FCGRT: variants seen among roughly 807,000 people sequenced by gnomAD.
FCGRT encodes the protein Fc gamma receptor and transporter, also known as IgG receptor FcRn large subunit p51.
In FCGRT, 13 loss-of-function variants were observed where a neutral mutation model predicts 35.7. The observed-to-expected ratio is 0.36, with a 90% confidence interval of 0.24 to 0.58. The LOEUF (loss-of-function observed/expected upper bound fraction) is 0.58, where lower values mean the gene tolerates loss of function less well. Among genes scored for constraint, FCGRT ranks in the 20% least tolerant of loss-of-function variants. The pLI is 0.77. For missense variants in FCGRT, 455 were observed against 474.9 expected, an observed-to-expected ratio of 0.96 and a Z score of 0.39; for synonymous variants, 233 against 216.5, an observed-to-expected ratio of 1.08 and a Z score of -0.67.
intron 4 of FCGRT, among the ~76,000 whole-genome samples, chr19:49,519,629 T>G (rs1342147017): frequency 6.6e-6 from 1 of 152,118 alleles, no homozygotes; most frequent in East Asian, 1.9e-4. Context: ...ATCTAGAAGC[T>G]TGGTCAGATT....
Position 49,522,882 on chromosome 19 carries a change from A to G in FCGRT, c.602-1625A>G, listed in dbSNP as rs1173684164. Among the ~76,000 whole-genome samples, 3 of 139,640 alleles carry G rather than the reference A, an allele frequency of 2.1e-5. No homozygotes were observed. The East Asian group carries it at 6.4e-4, about 30-fold the overall frequency. The allele number at this position is 139,640 out of a possible 152,430, so 91.6% of individuals were successfully genotyped here. A position where few individuals can be genotyped will look rare whatever the true frequency, so the allele number is the denominator to read the frequency against. ...AAGCTCCGCCTCCCGGGTTCACGCCATTCTCCTGCCTCAGCCTCCCAAGTG... is the reference window on the plus strand; with the variant it reads ...AAGCTCCGCCTCCCGGGTTCACGCCGTTCTCCTGCCTCAGCCTCCCAAGTG... On this transcript the variant is annotated intron_variant, in intron 4 of 6. Coordinates refer to ENST00000221466, the MANE Select transcript of FCGRT (RefSeq NM_001136019.3).
rs1176536865 is a variant in FCGRT at position 49,514,997 on chromosome 19, CT to C, written c.601+525del. 2.4e-3 allele frequency among the ~76,000 whole-genome samples: 343 copies of C among 141,310 alleles called. 1 individual carries two copies. The highest frequency in any genetic ancestry group is 3.7e-3 in the Middle Eastern group (1 of 272). The allele number at this position is 141,310 out of a possible 152,430, so 92.7% of individuals were successfully genotyped here. ...ATGAGCTACTGCTCCTGGCTCCCCC[CT>C]TTTTTTTTTTTTTGAGACAGATTCT... On this transcript the variant is annotated intron_variant, in intron 4 of 6. Transcript: ENST00000221466.
In FCGRT at chr19:49,513,486, C is replaced by T. The variant is rs2079985902; in HGVS notation, c.73+13C>T. Reference sequence around the variant, plus strand: ...AGCCTGGGCGCAGGTGAGGGCCGCTCCGGGCCAGGGCCCTGCTGCAGGCGG... The same window carrying T: ...AGCCTGGGCGCAGGTGAGGGCCGCTTCGGGCCAGGGCCCTGCTGCAGGCGG... On this transcript the variant is annotated intron_variant, in intron 2 of 6. Coordinates refer to ENST00000221466, the MANE Select transcript of FCGRT (RefSeq NM_001136019.3). 4 of 1,240,230 alleles carry T rather than the reference C, an allele frequency of 3.2e-6. No individual in the cohort carries two copies. The South Asian group carries it at 1.2e-4, about 37-fold the overall frequency. 76.8% of individuals were successfully genotyped at this position (1,240,230 alleles called of 1,614,324 possible). A position where few individuals can be genotyped will look rare whatever the true frequency, so the allele number is the denominator to read the frequency against.
chr19:49,526,383 G>T lies in FCGRT; in HGVS notation c.*264G>T. Reference sequence around the variant, plus strand: ...GGCAGGGGAGGTAAGGGAATAAGTCGGGGGACTGAATGGCGGCTGGGCCTC... The same window carrying T: ...GGCAGGGGAGGTAAGGGAATAAGTCTGGGGACTGAATGGCGGCTGGGCCTC... On this transcript the variant is annotated 3_prime_UTR_variant, in exon 7 of 7. Coordinates refer to ENST00000221466, the MANE Select transcript of FCGRT (RefSeq NM_001136019.3). 1 of 492,554 alleles carries T rather than the reference G, an allele frequency of 2.0e-6. No homozygotes were observed. Among genetic ancestry groups the T allele is most frequent in the East Asian group, 3.8e-5 (1 of 26,050 alleles). The allele number at this position is 492,554 out of a possible 1,614,324, so 30.5% of individuals were successfully genotyped here.
chr19:49,525,090 C>G, intron 5 of FCGRT: 7 of 567,378 alleles, frequency 1.2e-5, no homozygotes, highest in South Asian at 1.2e-4. Context: ...TTCCTGGAAT[C>G]TGACCATTCG....
Position 49,513,761 on chromosome 19 carries a change from C to A in FCGRT, c.74-121C>A, listed in dbSNP as rs2079989037. The A allele has an allele frequency of 9.3e-6, 3 of 322,520 alleles. No individual in the cohort carries two copies. The South Asian group carries it at 2.3e-4, about 25-fold the overall frequency. The allele number at this position is 322,520 out of a possible 1,614,324, so 20.0% of individuals were successfully genotyped here. The stretch of plus-strand genomic sequence containing the variant: ...GTCCCCCCCCCCCCGGGTTTCTGTC[C>A]CCTCTCTCTGAATCTGTCCCCCTCC... On this transcript the variant is annotated intron_variant, in intron 2 of 6. Coordinates refer to ENST00000221466, the MANE Select transcript of FCGRT (RefSeq NM_001136019.3).
intron 6 of FCGRT, among the ~76,000 whole-genome samples, 179 bp downstream of exon 6, chr19:49,525,752 C>T (rs1163122173): frequency 1.3e-5 from 2 of 150,090 alleles, no homozygotes; most frequent in African/African-American, 4.9e-5. Context: ...GACAGAGACC[C>T]AGAGACGGGG....
chr19:49,517,185 T>C lies in FCGRT; in HGVS notation c.601+2699T>C, dbSNP rs1043526652. 3.3e-5 allele frequency among the ~76,000 whole-genome samples: 5 copies of C among 150,052 alleles called. No homozygotes were observed. The South Asian group carries it at 1.1e-3, about 32-fold the overall frequency. On this transcript the variant is annotated intron_variant, in intron 4 of 6. Coordinates refer to ENST00000221466, the MANE Select transcript of FCGRT (RefSeq NM_001136019.3). Reference sequence around the variant, plus strand: ...GCCCAGATGACAGAGCCAGACCCTGTCTCAAAAAGAAAAAAAATATGGTGG... The same window carrying C: ...GCCCAGATGACAGAGCCAGACCCTGCCTCAAAAAGAAAAAAAATATGGTGG...
chr19:49,524,687 C>T lies in FCGRT; in HGVS notation c.782C>T (p.Ser261Leu), dbSNP rs758671395. Residue 261 changes from serine (S) to leucine (L), a missense_variant, in exon 5 of 7, where the codon TCG becomes TTG. Physicochemically the swap from Ser to Leu is moderately radical, Grantham distance 145. Transcript: ENST00000221466. Reference protein sequence around the residue: ...PNSDGSFHASSSLTVKSGDEH... With the variant: ...PNSDGSFHASLSLTVKSGDEH... Reference sequence around the variant, plus strand: ...AGTGACGGATCCTTCCACGCCTCGTCGTCACTAACAGTCAAAAGTGGCGAT... The same window carrying T: ...AGTGACGGATCCTTCCACGCCTCGTTGTCACTAACAGTCAAAAGTGGCGAT... The T allele has an allele frequency of 6.9e-6, 11 of 1,603,934 alleles. No individual in the cohort carries two copies. Among genetic ancestry groups the T allele is most frequent in the South Asian group, 3.3e-5 (3 of 91,082 alleles).
chr19:49,526,149 A>G lies in FCGRT; in HGVS notation c.*30A>G. On this transcript the variant is annotated 3_prime_UTR_variant, in exon 7 of 7. Transcript: ENST00000221466. Reference sequence around the variant, plus strand: ...CCGCCATTCCGACTGCTAAAAGCGAATGTAGTCAGGCCCCTTTCATGCTGT... The same window carrying G: ...CCGCCATTCCGACTGCTAAAAGCGAGTGTAGTCAGGCCCCTTTCATGCTGT... 7.0e-7 allele frequency: 1 copy of G among 1,422,680 alleles called. No individual in the cohort carries two copies. Among genetic ancestry groups the G allele is most frequent in the Non-Finnish European group, 9.9e-7 (1 of 1,005,706 alleles). The allele number at this position is 1,422,680 out of a possible 1,614,324, so 88.1% of individuals were successfully genotyped here.
intron 4 of FCGRT, chr19:49,521,595 G>T (rs1043704758): frequency 3.4e-5 from 5 of 148,378 alleles, no homozygotes; most frequent in African/African-American, 1.2e-4. Flanking sequence ...GGAAAAGAAA[G>T]CCTGGGCGTA....
intron 6 of FCGRT, 85 bp downstream of exon 6, chr19:49,525,658 C>A: frequency 1.1e-6 from 1 of 914,752 alleles, no homozygotes; most frequent in Non-Finnish European, 1.8e-6. Context: ...GACAGAGACC[C>A]AGAGAGGGGG....
In FCGRT at chr19:49,514,495, G is replaced by T. The variant is rs549984757; in HGVS notation, c.601+9G>T. 1.3e-6 allele frequency: 2 copies of T among 1,535,704 alleles called. No homozygotes were observed. Among genetic ancestry groups the T allele is most frequent in the South Asian group, 1.2e-5 (1 of 80,406 alleles). ...AAACCTGGAGTGGAAGGGTGAGCCG[G>T]ATCTGCAGCCGCAGGCTGTTCTGTC... is the stretch of plus-strand genomic sequence containing the variant. On this transcript the variant is annotated intron_variant, in intron 4 of 6. Coordinates refer to ENST00000221466, the MANE Select transcript of FCGRT (RefSeq NM_001136019.3).
intron 2 of FCGRT, 107 bp downstream of exon 2, chr19:49,513,580 G>T (rs895461246): frequency 4.5e-5 from 27 of 602,152 alleles, no homozygotes; most frequent in Non-Finnish European, 6.1e-5. Flanking sequence ...CGAGCCCCTG[G>T]CGCTGCCTTC....
chr19:49,525,945 G>A, intron 6 of FCGRT, 65 bp from the exon 7 acceptor site: 1 of 947,530 alleles, frequency 1.1e-6, no homozygotes, highest in South Asian at 1.3e-5. Flanking sequence ...ACAAATGGGG[G>A]ACGCCAGTCA....
Position 49,513,407 on chromosome 19 carries a change from G to A in FCGRT, c.7G>A (p.Val3Ile), listed in dbSNP as rs201887538. 7 of 1,245,200 alleles carry A rather than the reference G, an allele frequency of 5.6e-6. No homozygotes were observed. Among genetic ancestry groups the A allele is most frequent in the Non-Finnish European group, 4.1e-6 (4 of 987,644 alleles). 77.1% of individuals were successfully genotyped at this position (1,245,200 alleles called of 1,614,324 possible). Residue 3 changes from valine (V) to isoleucine (I), a missense_variant, in exon 2 of 7, where the codon GTC becomes ATC. By Grantham distance (29) the Val-to-Ile change is conservative. Coordinates refer to ENST00000221466, the MANE Select transcript of FCGRT (RefSeq NM_001136019.3). ...CCCAGGTCGTCCTCTCAGCATGGGG[G>A]TCCCGCGGCCTCAGCCCTGGGCGCT... The part of the protein sequence containing the change: MG[V>I]PRPQPWALGL...
chr19:49,525,496 T>C lies in FCGRT; in HGVS notation c.911T>C (p.Val304Ala). The change falls in exon 6 of 7, where the codon GTC becomes GCC. Residue 304 changes from valine to alanine, a missense_variant. Physicochemically the swap from Val to Ala is moderately conservative, Grantham distance 64. Around this residue, in one of 3 missense-constraint regions of FCGRT, gnomAD observed 312 missense variants for 296.1 expected, o/e 1.05. Coordinates refer to ENST00000221466, the MANE Select transcript of FCGRT (RefSeq NM_001136019.3). ...AKSSVLVVGI[V>A]IGVLLLTAAA... Reference sequence around the variant, plus strand: ...TCCTCCGTGCTCGTGGTGGGAATCGTCATCGGTGTCTTGCTACTCACGGCA... The same window carrying C: ...TCCTCCGTGCTCGTGGTGGGAATCGCCATCGGTGTCTTGCTACTCACGGCA... 3 of 1,613,912 alleles carry C rather than the reference T, an allele frequency of 1.9e-6. 1 individual carries two copies. The South Asian group carries it at 3.3e-5, about 18-fold the overall frequency.
rs770605164 is a variant in FCGRT at position 49,524,718 on chromosome 19, C to A, written c.813C>A (p.His271Gln). The change falls in exon 5 of 7, where the codon CAC (histidine) becomes CAA (glutamine). Residue 271 changes from histidine to glutamine, a missense_variant. By Grantham distance (24) the His-to-Gln change is conservative. Coordinates refer to ENST00000221466, the MANE Select transcript of FCGRT (RefSeq NM_001136019.3). ...TAACAGTCAAAAGTGGCGATGAGCA[C>A]CACTACTGCTGCATTGTGCAGCACG... ...SSLTVKSGDE[H>Q]HYCCIVQHAG... 4.4e-6 allele frequency: 7 copies of A among 1,602,526 alleles called. No homozygotes were observed. In the South Asian group the frequency reaches 6.6e-5, roughly 15 times the overall value.
rs147228041 is a variant in FCGRT at position 49,519,870 on chromosome 19, G to A, written c.602-4637G>A. Among the ~76,000 whole-genome samples the A allele has an allele frequency of 7.9e-3, 1,036 of 131,648 alleles. 32 individuals are homozygous for A. The highest frequency in any genetic ancestry group is 0.062 in the East Asian group (282 of 4,512). The allele number at this position is 131,648 out of a possible 152,430, so 86.4% of individuals were successfully genotyped here. Reference sequence around the variant, plus strand: ...TTTTGAGATGGAGTCTTGCTCTGTCGCCCAGGCTGGAGTGCAGTGTTGCGA... The same window carrying A: ...TTTTGAGATGGAGTCTTGCTCTGTCACCCAGGCTGGAGTGCAGTGTTGCGA... On this transcript the variant is annotated intron_variant, in intron 4 of 6. Coordinates refer to ENST00000221466, the MANE Select transcript of FCGRT (RefSeq NM_001136019.3).
Sources: gnomAD v4.1 joint callset for allele counts (sites outside exome capture counted in the v4.1 genomes callset) on GRCh38, gnomAD v4.1.1 for gene constraint, gnomAD v4.1.1 regional missense constraint, MANE v1.5 for transcripts, NCBI Gene and HGNC (gene_info 2026-07-23, HGNC 2026-07-21) for gene names.